The following CEMIP variants were observed in gnomAD, a reference collection of about 807,000 sequenced individuals.
CEMIP encodes the protein cell migration inducing hyaluronidase 1, also known as cell migration-inducing and hyaluronan-binding protein.
In CEMIP, 105 loss-of-function variants were observed where a neutral mutation model predicts 156.9. That is an observed-to-expected ratio of 0.67 (90% CI 0.57 to 0.79). CEMIP has a LOEUF of 0.79. CEMIP is among the 30% of genes least tolerant of loss of function. The pLI is 0.00. For missense variants in CEMIP, 1,457 were observed against 1,769.4 expected (o/e 0.82, Z 3.17); for synonymous variants, 676 against 668.4 (o/e 1.01, Z -0.17).
chr15:80,823,767 C>A (rs1409261846), intron 1 of CEMIP, among the ~76,000 whole-genome samples: 1 of 152,032 alleles, frequency 6.6e-6, no homozygotes, highest in East Asian at 1.9e-4. Flanking sequence ...GGACTGAGGT[C>A]AAAATGAAGG....
rs146634490 is a variant in CEMIP, at chr15:80,794,996, G to A, written c.-176+15382G>A. 5.3e-5 allele frequency among the ~76,000 whole-genome samples: 8 copies of A among 152,178 alleles called. No individual in the cohort carries two copies. The South Asian group carries it at 1.0e-3, about 20-fold the overall frequency. On this transcript the variant is annotated intron_variant, in intron 1 of 29. Transcript: ENST00000394685. ...AGTAGAAGCTAGAAAGACCAAGAGTGGGGGCAAGGATGTCCTAGGTAATGA... is the reference window on the plus strand; with the variant it reads ...AGTAGAAGCTAGAAAGACCAAGAGTAGGGGCAAGGATGTCCTAGGTAATGA...
At chr15:80,927,049 G>A (rs374005851) in intron 19 of CEMIP, among the ~76,000 whole-genome samples, 17 of 152,286 alleles carry the variant, frequency 1.1e-4, no homozygotes, top group Admixed American at 5.2e-4. Context: ...CAGGCTGGTC[G>A]CAAGCTCCTG....
In CEMIP at chr15:80,889,548, A is replaced by G. The variant is rs1268192798; in HGVS notation, c.1042A>G (p.Lys348Glu). ...TGGGGAGAAAATTTCAGACCTCTGG[A>G]AAGCTCACCCAGGAAAAATATGCAA... Reference protein sequence around the residue: ...KGGEKISDLWKAHPGKICNRP... With the variant: ...KGGEKISDLWEAHPGKICNRP... The change falls in exon 10 of 30, where the codon AAA becomes GAA. Residue 348 changes from lysine (K) to glutamate (E), a missense_variant. By Grantham distance (56) the Lys-to-Glu change is moderately conservative. Coordinates refer to ENST00000394685, the MANE Select transcript of CEMIP (RefSeq NM_001293298.2). 1.2e-6 allele frequency: 2 copies of G among 1,614,216 alleles called. No individual in the cohort carries two copies. Among genetic ancestry groups the G allele is most frequent in the Non-Finnish European group, 1.7e-6 (2 of 1,180,014 alleles).
intron 15 of CEMIP, 59 bp from the exon 16 acceptor site, chr15:80,920,973 G>A (rs967657584): frequency 4.9e-6 from 7 of 1,439,550 alleles, no homozygotes; most frequent in Non-Finnish European, 6.8e-6. Flanking sequence ...CCTGCCATGT[G>A]GCAGGATGAC....
chr15:80,878,865 G>C lies in CEMIP; in HGVS notation c.239G>C (p.Gly80Ala). 1 of 1,614,168 alleles carries C rather than the reference G, an allele frequency of 6.2e-7. No homozygotes were observed. The highest frequency in any genetic ancestry group is 8.5e-7 in the Non-Finnish European group (1 of 1,180,018). The change falls in exon 4 of 30, where the codon GGA becomes GCA. Residue 80 changes from glycine (G) to alanine (A), a missense_variant and splice_region_variant. Gly to Ala is a moderately conservative substitution (Grantham distance 60). Coordinates refer to ENST00000394685, the MANE Select transcript of CEMIP (RefSeq NM_001293298.2). Reference protein sequence around the residue: ...ATVYSIHISEGGKLVIKDHDE... With the variant: ...ATVYSIHISEAGKLVIKDHDE... ...GTCTATTCCATCCACATCTCAGAGG[G>C]AGGTAAGCCAATCTCTCTCTGCTGC...
intron 27 of CEMIP, 76 bp downstream of exon 27, chr15:80,942,413 A>T: frequency 8.1e-7 from 1 of 1,239,002 alleles, no homozygotes; most frequent in East Asian, 2.3e-5. Flanking sequence ...CTGCTGGCAC[A>T]AATTACTGCA....
chr15:80,869,282 G>A (rs1898211290), intron 1 of CEMIP, among the ~76,000 whole-genome samples: 1 of 152,132 alleles, frequency 6.6e-6, no homozygotes. Context: ...GAGGTGCTGG[G>A]GGATAGGATT....
At chr15:80,827,008 C>T (rs898108309) in intron 1 of CEMIP, among the ~76,000 whole-genome samples, 1 of 152,148 alleles carries the variant, frequency 6.6e-6, no homozygotes, top group Non-Finnish European at 1.5e-5. Flanking sequence ...CAATAAGAAG[C>T]AGGACTGAGG....
chr15:80,833,713 G>T (rs1170897812), intron 1 of CEMIP, among the ~76,000 whole-genome samples: 1 of 148,890 alleles, frequency 6.7e-6, no homozygotes, highest in Non-Finnish European at 1.5e-5. Flanking sequence ...CTGTCACCCA[G>T]GCTGGAGTGC....
rs1007177974 is a variant in CEMIP, at chr15:80,888,756, C to A, written c.924C>A (p.Gly308=). 6.2e-7 allele frequency: 1 copy of A among 1,613,980 alleles called. No individual in the cohort carries two copies. The highest frequency in any genetic ancestry group is 2.2e-5 in the East Asian group (1 of 44,878). ...TCAAATTGTTCCAGACAGAGCATGG[C>A]GAATATTTCAATGTTTCTTTGTCCA... is the stretch of plus-strand genomic sequence containing the variant. The part of the protein sequence containing the change: ...RVFKLFQTEH[G]EYFNVSLSSE... Residue 308 remains glycine (G), a synonymous_variant, in exon 9 of 30, where the codon GGC becomes GGA. Coordinates refer to ENST00000394685, the MANE Select transcript of CEMIP (RefSeq NM_001293298.2).
chr15:80,821,496 G>T (rs752739584), intron 1 of CEMIP, among the ~76,000 whole-genome samples: 4 of 152,192 alleles, frequency 2.6e-5, no homozygotes, highest in Non-Finnish European at 5.9e-5. Context: ...AGGGAGATCG[G>T]CAGGGAGGCT....
At chr15:80,920,391 T>G (rs1163188731) in intron 15 of CEMIP, 92 bp downstream of exon 15, 9 of 1,222,006 alleles carry the variant, frequency 7.4e-6, no homozygotes, top group African/African-American at 1.5e-5. Flanking sequence ...ACCAGACTTC[T>G]GCACTTCGGG....
At chr15:80,843,202 G>GT (rs1897467949) in intron 1 of CEMIP, among the ~76,000 whole-genome samples, 1 of 152,168 alleles carries the variant, frequency 6.6e-6, no homozygotes, top group Admixed American at 6.5e-5. Context: ...TACTTTTCAG[G>GT]TGACTATTTT....
At chr15:80,789,656 C>A (rs1021258980) in intron 1 of CEMIP, among the ~76,000 whole-genome samples, 1 of 152,058 alleles carries the variant, frequency 6.6e-6, no homozygotes, top group South Asian at 2.1e-4. Context: ...CCTCTGACCA[C>A]ATAATTGTGG....
chr15:80,784,150 T>G (rs1895867590), intron 1 of CEMIP, among the ~76,000 whole-genome samples: 13 of 152,076 alleles, frequency 8.5e-5, no homozygotes, highest in Admixed American at 8.5e-4. Context: ...ATATCAGGGG[T>G]TTAGATGCAA....
intron 14 of CEMIP, among the ~76,000 whole-genome samples, chr15:80,916,800 C>A (rs539803574): frequency 1.3e-5 from 2 of 152,278 alleles, no homozygotes; most frequent in Admixed American, 1.3e-4. Context: ...GTGTCTTCTA[C>A]CCCCACCCGA....
intron 1 of CEMIP, among the ~76,000 whole-genome samples, chr15:80,793,306 T>C (rs1406749844): frequency 3.9e-5 from 6 of 152,198 alleles, no homozygotes; most frequent in African/African-American, 1.2e-4. Context: ...ATAATTAATT[T>C]GGGTGTGTTA....
At chr15:80,870,575 A>G (rs1898256805) in intron 1 of CEMIP, among the ~76,000 whole-genome samples, 1 of 152,130 alleles carries the variant, frequency 6.6e-6, no homozygotes, top group South Asian at 2.1e-4. Flanking sequence ...GCCTGGGGCT[A>G]CCTGAAGGGA....
chr15:80,937,693 C>T lies in CEMIP; in HGVS notation c.3222-101C>T, dbSNP rs1901181428. 9 of 1,058,128 alleles carry T rather than the reference C, an allele frequency of 8.5e-6. No individual in the cohort carries two copies. In the South Asian group the frequency reaches 1.0e-4, roughly 12 times the overall value. 65.5% of individuals were successfully genotyped at this position (1,058,128 alleles called of 1,614,324 possible). ...ATTTCCCATACAAAAGTGGAGGTGTCATTTGGTGGAGATTTTTTGGTCTCT... is the reference window on the plus strand; with the variant it reads ...ATTTCCCATACAAAAGTGGAGGTGTTATTTGGTGGAGATTTTTTGGTCTCT... On this transcript the variant is annotated intron_variant, in intron 24 of 29. Transcript: ENST00000394685.
Sources: gnomAD v4.1 joint callset for allele counts (sites outside exome capture counted in the v4.1 genomes callset) on GRCh38, gnomAD v4.1.1 for gene constraint, MANE v1.5 for transcripts, NCBI Gene and HGNC (gene_info 2026-07-23, HGNC 2026-07-21) for gene names.